Variants in SMAP1 observed in about 807,000 individuals in gnomAD.
SMAP1 encodes small ArfGAP 1.
SMAP1 carries 24 observed loss-of-function variants against 58.5 expected under a neutral mutation model. The observed-to-expected ratio is 0.41, with a 90% CI of 0.30 to 0.58. The LOEUF (loss-of-function observed/expected upper bound fraction) is 0.58. Among genes scored for constraint, SMAP1 ranks in the 20% least tolerant of loss-of-function variants. The probability of loss-of-function intolerance (pLI) is 0.29; values close to 1 mark genes in which losing one functional copy is unlikely to be tolerated. For missense variants in SMAP1, 563 were observed against 566.3 expected (o/e 0.99, Z 0.06); for synonymous variants, 216 against 196.6 (o/e 1.10, Z -0.82).
chr6:70,708,918 T>G (rs1189988973), intron 1 of SMAP1, among the ~76,000 whole-genome samples: 1 of 152,172 alleles, frequency 6.6e-6, no homozygotes, highest in East Asian at 1.9e-4. Flanking sequence ...TAGGCTGCCT[T>G]TTCATTTTGT....
At chr6:70,673,843 TG>T (rs1766366972) in intron 1 of SMAP1, among the ~76,000 whole-genome samples, 1 of 152,208 alleles carries the variant, frequency 6.6e-6, no homozygotes, top group African/African-American at 2.4e-5. Context: ...GTTTAAAACT[TG>T]GGCTGCATGT....
intron 6 of SMAP1, among the ~76,000 whole-genome samples, chr6:70,824,071 C>A (rs992497408): frequency 6.6e-6 from 1 of 152,074 alleles, no homozygotes; most frequent in Non-Finnish European, 1.5e-5. Context: ...GTTTCTATCC[C>A]CATAAGTTGA....
chr6:70,808,902 C>CTGTGTGTG (rs35577736), intron 6 of SMAP1, among the ~76,000 whole-genome samples: 1,675 of 144,744 alleles, frequency 0.012, 19 homozygotes, highest in East Asian at 0.07. Context: ...GGCTGTTTCC[C>CTGTGTGTG]TGTGTGTGTG....
At chr6:70,760,870 T>C (rs1373579203) in intron 3 of SMAP1, among the ~76,000 whole-genome samples, 5 of 152,084 alleles carry the variant, frequency 3.3e-5, no homozygotes, top group Non-Finnish European at 7.4e-5. Flanking sequence ...TAATGTGGGA[T>C]GTGGTTAATT....
At position 70,857,845 on chromosome 6, in the gene SMAP1, A is replaced by G. The variant is rs115040345; in HGVS notation, c.962-77A>G. ...TTGCTGTGAGTAGTTCAGAAAGGCA[A>G]TTTTTCTGTGATTATAGAGATGAGT... On this transcript the variant is annotated intron_variant, in intron 9 of 10. Transcript: ENST00000370455. 1,156 of 1,522,724 alleles carry G rather than the reference A, an allele frequency of 7.6e-4. 6 individuals carry two copies. In the African/African-American group the frequency reaches 0.013, roughly 18 times the overall value. 94.3% of individuals were successfully genotyped at this position (1,522,724 alleles called of 1,614,324 possible).
In SMAP1 at chr6:70,756,588, A is replaced by G. The variant is rs973450148; in HGVS notation, c.338+1523A>G. Reference sequence around the variant, plus strand: ...TTAGGTCAGAAGAAGCTTGGAAGGTATTTTGGTCCAAATTGCGAAGGGTTT... The same window carrying G: ...TTAGGTCAGAAGAAGCTTGGAAGGTGTTTTGGTCCAAATTGCGAAGGGTTT... On this transcript the variant is annotated intron_variant, in intron 3 of 10. Coordinates refer to ENST00000370455, the MANE Select transcript of SMAP1 (RefSeq NM_001044305.3). 3.9e-5 allele frequency among the ~76,000 whole-genome samples: 6 copies of G among 152,162 alleles called. No individual in the cohort carries two copies. In the South Asian group the frequency reaches 1.2e-3, roughly 32 times the overall value.
chr6:70,711,558 A>T, intron 1 of SMAP1, among the ~76,000 whole-genome samples: 5 of 142,816 alleles, frequency 3.5e-5, no homozygotes. Flanking sequence ...ACAGAGTTTC[A>T]CTCTTGTCAC....
chr6:70,848,699 G>A (rs550540657), intron 7 of SMAP1, among the ~76,000 whole-genome samples: 1 of 152,252 alleles, frequency 6.6e-6, no homozygotes, highest in African/African-American at 2.4e-5. Flanking sequence ...AAACATCCAG[G>A]ATGAATGTGA....
chr6:70,857,766 T>G, intron 9 of SMAP1, 156 bp from the exon 10 acceptor site: 4 of 656,772 alleles, frequency 6.1e-6, no homozygotes, highest in Non-Finnish European at 1.0e-5. Context: ...GCTCTCAGGG[T>G]TTAGGTGTGG....
At chr6:70,784,896 A>G (rs1767936648) in intron 4 of SMAP1, among the ~76,000 whole-genome samples, 1 of 152,192 alleles carries the variant, frequency 6.6e-6, no homozygotes, top group Non-Finnish European at 1.5e-5. Flanking sequence ...CAGATCAACG[A>G]GACAGAAAGT....
chr6:70,668,754 A>G lies in SMAP1; in HGVS notation c.118+613A>G, dbSNP rs1303021843. On this transcript the variant is annotated intron_variant, in intron 1 of 10. Coordinates refer to ENST00000370455, the MANE Select transcript of SMAP1 (RefSeq NM_001044305.3). Reference sequence around the variant, plus strand: ...TTTACGGAATAAATTAATTGGAGAAAGGTCTTTATTAGTAGTAGTATTGTT... The same window carrying G: ...TTTACGGAATAAATTAATTGGAGAAGGGTCTTTATTAGTAGTAGTATTGTT... The G allele has an allele frequency of 3.9e-6, 6 of 1,533,124 alleles. No homozygotes were observed. In the Admixed American group the frequency reaches 5.9e-5, roughly 15 times the overall value. 95.0% of individuals were successfully genotyped at this position (1,533,124 alleles called of 1,614,324 possible). A position where few individuals can be genotyped will look rare whatever the true frequency, so the allele number is the denominator to read the frequency against.
intron 6 of SMAP1, among the ~76,000 whole-genome samples, chr6:70,828,202 A>G (rs1770216960): frequency 6.6e-6 from 1 of 152,204 alleles, no homozygotes; most frequent in African/African-American, 2.4e-5. Flanking sequence ...TTATTTGAGT[A>G]AACAACTAAT....
chr6:70,844,341 G>A (rs1411908471), intron 7 of SMAP1, among the ~76,000 whole-genome samples: 1 of 152,126 alleles, frequency 6.6e-6, no homozygotes, highest in Non-Finnish European at 1.5e-5. Flanking sequence ...GTGTACACAT[G>A]TGTGCATGTG....
intron 6 of SMAP1, among the ~76,000 whole-genome samples, chr6:70,813,595 C>T (rs1261921473): frequency 2.0e-5 from 3 of 151,706 alleles, no homozygotes; most frequent in African/African-American, 7.3e-5. Context: ...TCCCCTACTC[C>T]CTCCCTCTCA....
chr6:70,823,432 T>G (rs371909194), intron 6 of SMAP1, among the ~76,000 whole-genome samples: 1 of 152,110 alleles, frequency 6.6e-6, no homozygotes, highest in Non-Finnish European at 1.5e-5. Flanking sequence ...TAGGTTAAGC[T>G]CTAATAAAAC....
chr6:70,788,216 C>T (rs1054068154), intron 4 of SMAP1, among the ~76,000 whole-genome samples: 2 of 146,784 alleles, frequency 1.4e-5, no homozygotes, highest in African/African-American at 2.5e-5. Context: ...AACGAAACAC[C>T]ACATGTTCTC....
chr6:70,715,907 C>G (rs1437780908), intron 1 of SMAP1, among the ~76,000 whole-genome samples: 1 of 152,096 alleles, frequency 6.6e-6, no homozygotes, highest in Non-Finnish European at 1.5e-5. Flanking sequence ...TCCCCCAGTC[C>G]CCAAAGTCCA....
At chr6:70,752,366 A>G (rs995746262) in intron 2 of SMAP1, among the ~76,000 whole-genome samples, 10 of 152,160 alleles carry the variant, frequency 6.6e-5, no homozygotes, top group Admixed American at 2.6e-4. Flanking sequence ...TTCTATTGCA[A>G]GTTGAATTAT....
At chr6:70,840,109 C>T (rs750105218) in intron 7 of SMAP1, among the ~76,000 whole-genome samples, 3 of 152,094 alleles carry the variant, frequency 2.0e-5, no homozygotes, top group East Asian at 1.9e-4. Context: ...AGCATATCTC[C>T]GTATGAGTGA....
Sources: allele counts gnomAD v4.1 joint callset (sites outside exome capture counted in the v4.1 genomes callset), GRCh38; gene constraint gnomAD v4.1.1; transcripts MANE v1.5; gene names NCBI Gene and HGNC (gene_info 2026-07-23, HGNC 2026-07-21).